Variants in SLIT3 observed in about 807,000 individuals in gnomAD.
The protein encoded by SLIT3 is slit homolog 3 protein.
A neutral mutation model predicts 184.0 loss-of-function variants in SLIT3; 68 were observed. That is an observed-to-expected ratio of 0.37 (90% CI 0.30 to 0.45). The LOEUF (loss-of-function observed/expected upper bound fraction) is 0.45. SLIT3 is among the 20% of genes least tolerant of loss of function. The pLI, the probability that SLIT3 is intolerant of heterozygous loss-of-function variation, is 1.00. For missense variants in SLIT3, 1,707 were observed against 2,026.0 expected, an observed-to-expected ratio of 0.84 and a Z score of 3.02; for synonymous variants, 831 against 828.6, an observed-to-expected ratio of 1.00 and a Z score of -0.05.
chr5:169,100,188 A>T (rs1426864703), intron 4 of SLIT3, among the ~76,000 whole-genome samples: 2 of 152,212 alleles, frequency 1.3e-5, no homozygotes, highest in African/African-American at 4.8e-5. Flanking sequence ...ATCCAGTCCA[A>T]AGCTAGAAGA....
intron 3 of SLIT3, among the ~76,000 whole-genome samples, chr5:169,199,463 G>A (rs1003727465): frequency 5.9e-5 from 9 of 152,286 alleles, no homozygotes; most frequent in African/African-American, 1.4e-4. Flanking sequence ...GGAAGGTGGT[G>A]TGTTTAGATT....
intron 7 of SLIT3, among the ~76,000 whole-genome samples, chr5:168,819,907 C>T (rs1757467266): frequency 6.6e-6 from 1 of 152,132 alleles, no homozygotes; most frequent in African/African-American, 2.4e-5. Context: ...TTGGAGCCAT[C>T]AGAGGGCTCT....
In SLIT3 at chr5:169,067,160, A is replaced by G. The variant is rs1009221400; in HGVS notation, c.413+126319T>C. On this transcript the variant is annotated intron_variant, in intron 4 of 35. Transcript: ENST00000519560. ...TACAGTGGCTCATGTTTGTAATCCC[A>G]GCACTTTGGGAGGCTGAGGTGGGTG... 3.9e-5 allele frequency among the ~76,000 whole-genome samples: 6 copies of G among 152,206 alleles called. 1 individual carries two copies. Among genetic ancestry groups the G allele is most frequent in the Non-Finnish European group, 2.9e-5 (2 of 68,044 alleles).
chr5:169,036,841 G>A (rs977090522), intron 4 of SLIT3, among the ~76,000 whole-genome samples: 3 of 152,164 alleles, frequency 2.0e-5, no homozygotes, highest in African/African-American at 7.2e-5. Context: ...TAAGTTGGAC[G>A]ACCTTCTTCC....
intron 28 of SLIT3, 50 bp from the exon 29 acceptor site, chr5:168,692,750 C>T (rs1761946736): frequency 7.2e-7 from 1 of 1,379,778 alleles, no homozygotes; most frequent in Admixed American, 1.7e-5. Flanking sequence ...GTAGGGATGC[C>T]CTGGCCAGAA....
At chr5:169,072,233 A>G (rs1758578620) in intron 4 of SLIT3, among the ~76,000 whole-genome samples, 1 of 152,132 alleles carries the variant, frequency 6.6e-6, no homozygotes, top group South Asian at 2.1e-4. Context: ...GAATAATGAT[A>G]AGCTTGAAAA....
intron 4 of SLIT3, among the ~76,000 whole-genome samples, chr5:169,077,559 A>C (rs976694601): frequency 6.6e-6 from 1 of 152,170 alleles, no homozygotes; most frequent in Non-Finnish European, 1.5e-5. Flanking sequence ...AAAACAAAAA[A>C]CAAAAAACAG....
At chr5:168,961,039 A>C (rs17070686) in intron 4 of SLIT3, among the ~76,000 whole-genome samples, 4,132 of 152,276 alleles carry the variant, frequency 0.027, 202 homozygotes, top group African/African-American at 0.094. Flanking sequence ...CACCTGTGTA[A>C]TGAGGAGTCC....
intron 4 of SLIT3, among the ~76,000 whole-genome samples, chr5:168,971,092 T>C (rs959085377): frequency 2.0e-5 from 3 of 152,202 alleles, no homozygotes; most frequent in Non-Finnish European, 4.4e-5. Flanking sequence ...TTTCCCATCT[T>C]GTGGAGTGTA....
chr5:169,176,695 G>A (rs1053158926), intron 4 of SLIT3, among the ~76,000 whole-genome samples: 7 of 152,196 alleles, frequency 4.6e-5, no homozygotes, highest in Non-Finnish European at 8.8e-5. Flanking sequence ...ACGTTGCCCT[G>A]TAGCACCAAA....
At chr5:169,207,569 C>A (rs1764117375) in intron 3 of SLIT3, among the ~76,000 whole-genome samples, 1 of 152,080 alleles carries the variant, frequency 6.6e-6, no homozygotes, top group Non-Finnish European at 1.5e-5. Context: ...CCTTCAATAA[C>A]CAAAATCATG....
At chr5:169,008,325 G>A (rs550972804) in intron 4 of SLIT3, among the ~76,000 whole-genome samples, 1 of 152,320 alleles carries the variant, frequency 6.6e-6, no homozygotes, top group African/African-American at 2.4e-5. Flanking sequence ...TGGCCATGAA[G>A]CTGCAAGGCT....
At chr5:168,683,823 G>A (rs1366973638) in intron 32 of SLIT3, 143 bp downstream of exon 32, 1 of 698,176 alleles carries the variant, frequency 1.4e-6, no homozygotes, top group African/African-American at 1.8e-5. Flanking sequence ...TGAGGAGGAA[G>A]TGTGTGTGTG....
At chr5:168,733,038 A>G (rs573110020) in intron 20 of SLIT3, among the ~76,000 whole-genome samples, 2 of 152,308 alleles carry the variant, frequency 1.3e-5, no homozygotes, top group Admixed American at 1.3e-4. Flanking sequence ...AGGATGGGAA[A>G]AATACTTTTA....
At chr5:168,843,033 G>A (rs1289248223) in intron 6 of SLIT3, among the ~76,000 whole-genome samples, 1 of 152,136 alleles carries the variant, frequency 6.6e-6, no homozygotes. Flanking sequence ...TCTGGCAGAC[G>A]GGCATTTGTT....
chr5:168,928,885 C>T (rs1422520450), intron 4 of SLIT3, among the ~76,000 whole-genome samples: 3 of 152,174 alleles, frequency 2.0e-5, no homozygotes, highest in African/African-American at 7.2e-5. Context: ...AATCCAAGCA[C>T]CTCTGCTGAA....
Position 168,823,331 on chromosome 5 carries a change from A to G in SLIT3, c.558T>C (p.Leu186=). 1 of 1,613,074 alleles carries G rather than the reference A, an allele frequency of 6.2e-7. No individual in the cohort carries two copies. Among genetic ancestry groups the G allele is most frequent in the Non-Finnish European group, 8.5e-7 (1 of 1,179,106 alleles). Residue 186 remains leucine, a splice_region_variant and synonymous_variant, in exon 7 of 36, where the codon CTT becomes CTC. Coordinates refer to ENST00000519560, the MANE Select transcript of SLIT3 (RefSeq NM_003062.4). ...AFRALRDLEI[L]TLNNNNISRI... ...GACTGATGTTGTTGTTGTTGAGGGTACTGTGGAGATAGACAAGGGAGATGG... is the reference window on the plus strand; with the variant it reads ...GACTGATGTTGTTGTTGTTGAGGGTGCTGTGGAGATAGACAAGGGAGATGG...
intron 4 of SLIT3, among the ~76,000 whole-genome samples, chr5:169,048,049 A>G (rs968822012): frequency 1.3e-5 from 2 of 152,180 alleles, no homozygotes; most frequent in Admixed American, 1.3e-4. Context: ...CTGCTCTGTC[A>G]CTGCTCTCAA....
In SLIT3 at chr5:169,300,569, G is replaced by A; in HGVS notation, c.141C>T (p.Cys47=). The change falls in exon 1 of 36, where the codon TGC becomes TGT. Residue 47 remains cysteine (C), a synonymous_variant. Transcript: ENST00000519560. The surrounding 1 kb of genome is among the most constrained non-coding windows in gnomAD (Gnocchi z 4.1). ...GAACCGCGCGGAGGCCCAGCCCGTG[G>A]CAGTCCACGCTGGCAGCGGAGCAGG... ...KCTCSAASVD[C]HGLGLRAVPR... 1 of 1,511,594 alleles carries A rather than the reference G, an allele frequency of 6.6e-7. No homozygotes were observed. The allele number at this position is 1,511,594 out of a possible 1,614,324, so 93.6% of individuals were successfully genotyped here.
Sources: allele counts gnomAD v4.1 joint callset (sites outside exome capture counted in the v4.1 genomes callset), GRCh38; gene constraint gnomAD v4.1.1; non-coding constraint Gnocchi (gnomAD v3.1); transcripts MANE v1.5; gene names NCBI Gene and HGNC (gene_info 2026-07-23, HGNC 2026-07-21).